CDC5L: variants seen among roughly 807,000 people sequenced by gnomAD.
CDC5L encodes the protein cell division cycle 5-like protein.
CDC5L carries 18 observed loss-of-function variants against 104.1 expected under a neutral mutation model. The observed-to-expected ratio is 0.17, with a 90% CI of 0.12 to 0.26. The LOEUF (loss-of-function observed/expected upper bound fraction) is 0.26, where lower values mean the gene tolerates loss of function less well. Among genes scored for constraint, CDC5L ranks in the 10% least tolerant of loss-of-function variants. The pLI is 1.00. For missense variants in CDC5L, 673 were observed against 956.9 expected, an observed-to-expected ratio of 0.70 and a Z score of 3.91; for synonymous variants, 331 against 322.7, an observed-to-expected ratio of 1.03 and a Z score of -0.28.
intron 5 of CDC5L, among the ~76,000 whole-genome samples, chr6:44,399,285 G>A (rs1187259211): frequency 6.6e-6 from 1 of 152,098 alleles, no homozygotes; most frequent in African/African-American, 2.4e-5. Context: ...CTCGTCTTTG[G>A]CTTTCAACAT....
At chr6:44,422,889 G>C in intron 10 of CDC5L, 80 bp downstream of exon 10, 3 of 874,868 alleles carry the variant, frequency 3.4e-6, no homozygotes, top group Non-Finnish European at 5.4e-6. Flanking sequence ...TCTCCTGTTA[G>C]TGCATATCAC....
chr6:44,393,296 C>T, intron 3 of CDC5L, 150 bp from the exon 4 acceptor site: 1 of 516,476 alleles, frequency 1.9e-6, no homozygotes, highest in Admixed American at 3.8e-5. Flanking sequence ...TCATTTCTTT[C>T]AGATGAAGTG....
chr6:44,426,027 C>A (rs1207159761), intron 11 of CDC5L, 76 bp from the exon 12 acceptor site: 3 of 960,342 alleles, frequency 3.1e-6, no homozygotes, highest in Non-Finnish European at 4.7e-6. Flanking sequence ...TCTTACATAC[C>A]AAAGTGTTTT....
At chr6:44,417,974 T>G (rs1791979260) in intron 8 of CDC5L, among the ~76,000 whole-genome samples, 1 of 152,220 alleles carries the variant, frequency 6.6e-6, no homozygotes, top group Non-Finnish European at 1.5e-5. Flanking sequence ...AAACTTTATT[T>G]GATGTATAAA....
intron 7 of CDC5L, among the ~76,000 whole-genome samples, chr6:44,407,330 C>CTT (rs869258034): frequency 1.3e-4 from 19 of 141,902 alleles, no homozygotes; most frequent in African/African-American, 2.8e-4. Flanking sequence ...TTAGGGTAAC[C>CTT]TTTTTTTTTT....
chr6:44,397,948 C>T (rs945365662), intron 5 of CDC5L, among the ~76,000 whole-genome samples: 3 of 152,182 alleles, frequency 2.0e-5, no homozygotes, highest in African/African-American at 7.2e-5. Flanking sequence ...TTATTAGCTT[C>T]TGGGATTCAG....
At position 44,419,496 on chromosome 6, in the gene CDC5L, A is replaced by G. The variant is rs144752067; in HGVS notation, c.1140A>G (p.Lys380=). The G allele has an allele frequency of 5.3e-5, 85 of 1,614,050 alleles. No individual in the cohort carries two copies. The African/African-American group carries it at 1.0e-3, about 19-fold the overall frequency. Residue 380 remains lysine, a synonymous_variant, in exon 9 of 16, where the codon AAA becomes AAG. Transcript: ENST00000371477. Reference sequence around the variant, plus strand: ...TCACCAATGTGGACACCCCATTGAAAGGTGGACTTAATACCCCATTGCATG... The same window carrying G: ...TCACCAATGTGGACACCCCATTGAAGGGTGGACTTAATACCCCATTGCATG... The part of the protein sequence containing the change: ...MALTNVDTPL[K]GGLNTPLHES...
Position 44,393,188 on chromosome 6 carries a change from T to A in CDC5L, c.312-258T>A, listed in dbSNP as rs1464188682. ...AGTTTTTTTTTTTTTTTTTTTTTTTTTAAATTTGTATGGCTGTACCGCATT... is the reference window on the plus strand; with the variant it reads ...AGTTTTTTTTTTTTTTTTTTTTTTTATAAATTTGTATGGCTGTACCGCATT... On this transcript the variant is annotated intron_variant, in intron 3 of 15. Transcript: ENST00000371477. 3.7e-4 allele frequency among the ~76,000 whole-genome samples: 55 copies of A among 150,502 alleles called. No individual in the cohort carries two copies. Among genetic ancestry groups the A allele is most frequent in the African/African-American group, 1.3e-3 (55 of 41,084 alleles).
Position 44,446,805 on chromosome 6 carries a change from C to T in CDC5L, c.*94C>T, listed in dbSNP as rs1793473794. 3.2e-6 allele frequency: 2 copies of T among 634,664 alleles called. No homozygotes were observed. The highest frequency in any genetic ancestry group is 5.5e-5 in the East Asian group (2 of 36,184). 39.3% of individuals were successfully genotyped at this position (634,664 alleles called of 1,614,324 possible). ...ATGTTTATCTTCATTGACAAATTTA[C>T]CCACCATCTGTGGTTTTTCAGTTGT... On this transcript the variant is annotated 3_prime_UTR_variant, in exon 16 of 16. Coordinates refer to ENST00000371477, the MANE Select transcript of CDC5L (RefSeq NM_001253.4).
intron 4 of CDC5L, among the ~76,000 whole-genome samples, chr6:44,393,841 T>A: frequency 6.6e-6 from 1 of 152,044 alleles, no homozygotes; most frequent in Non-Finnish European, 1.5e-5. Context: ...ATTTTTAAAT[T>A]TTTTTGTAGA....
At chr6:44,407,593 A>T (rs1162920227) in intron 7 of CDC5L, among the ~76,000 whole-genome samples, 1 of 152,116 alleles carries the variant, frequency 6.6e-6, no homozygotes, top group Non-Finnish European at 1.5e-5. Flanking sequence ...CGGCCTCCCA[A>T]AGTGCTGGGA....
At chr6:44,405,287 T>G (rs1212187811) in intron 6 of CDC5L, among the ~76,000 whole-genome samples, 2 of 152,240 alleles carry the variant, frequency 1.3e-5, no homozygotes, top group African/African-American at 4.8e-5. Context: ...CTATCAGCCA[T>G]TGTAAAATAG....
rs1792432828 is a variant in CDC5L, at chr6:44,426,572, A to T, written c.1741A>T (p.Thr581Ser). The change falls in exon 13 of 16, where the codon ACA (threonine) becomes TCA (serine). Residue 581 changes from threonine (T) to serine (S), a missense_variant. Physicochemically the swap from Thr to Ser is moderately conservative, Grantham distance 58. Transcript: ENST00000371477. ...SEELIKKEMI[T>S]MLHYDLLHHP... is the part of the protein sequence containing the mutation. The stretch of plus-strand genomic sequence containing the variant: ...AGAACTAATCAAAAAAGAAATGATC[A>T]CAATGCTTCATTATGACCTTCTACA... 1 of 1,612,974 alleles carries T rather than the reference A, an allele frequency of 6.2e-7. No homozygotes were observed. Among genetic ancestry groups the T allele is most frequent in the African/African-American group, 1.3e-5 (1 of 74,910 alleles).
At chr6:44,423,375 G>C (rs1282732645) in intron 10 of CDC5L, among the ~76,000 whole-genome samples, 1 of 152,154 alleles carries the variant, frequency 6.6e-6, no homozygotes, top group Non-Finnish European at 1.5e-5. Flanking sequence ...CATTTGAGGG[G>C]ATCTAAAGTT....
chr6:44,428,983 G>A (rs1438492414), intron 13 of CDC5L, among the ~76,000 whole-genome samples: 1 of 150,550 alleles, frequency 6.6e-6, no homozygotes, highest in Non-Finnish European at 1.5e-5. Flanking sequence ...CTTAACAAGT[G>A]GTTGAATCTC....
In CDC5L at chr6:44,387,762, A is replaced by G. The variant is rs1250059110; in HGVS notation, c.-62A>G. The G allele has an allele frequency of 2.8e-6, 4 of 1,449,284 alleles. No homozygotes were observed. The highest frequency in any genetic ancestry group is 1.4e-5 in the African/African-American group (1 of 70,872). The allele number at this position is 1,449,284 out of a possible 1,614,324, so 89.8% of individuals were successfully genotyped here. ...TGGCGGCTTTGAGTCCGGTGGCCCA[A>G]TCGCTGTTACTACTTCTCTGAAGCT... On this transcript the variant is annotated 5_prime_UTR_variant, in exon 1 of 16. Transcript: ENST00000371477.
At position 44,403,952 on chromosome 6, in the gene CDC5L, C is replaced by G; in HGVS notation, c.683C>G (p.Ser228Cys). The G allele has an allele frequency of 6.2e-7, 1 of 1,613,762 alleles. No individual in the cohort carries two copies. The highest frequency in any genetic ancestry group is 8.5e-7 in the Non-Finnish European group (1 of 1,179,908). ...KKPALGFYDT[S>C]EENYQALDAD... ...CCTGCCCTTGGTTTTTATGATACTT[C>G]TGAGGAAAACTACCAAGCTCTTGAC... Residue 228 changes from serine (S) to cysteine (C), a missense_variant, in exon 6 of 16, where the codon TCT becomes TGT. By Grantham distance (112) the Ser-to-Cys change is moderately radical. Transcript: ENST00000371477.
At chr6:44,435,834 T>G in intron 14 of CDC5L, 1 of 151,552 alleles carries the variant, frequency 6.6e-6, no homozygotes, top group Non-Finnish European at 1.5e-5. Flanking sequence ...CCAGGCTGAG[T>G]GCAATGGCAC....
intron 4 of CDC5L, among the ~76,000 whole-genome samples, chr6:44,395,717 C>T (rs529692868): frequency 1.1e-4 from 16 of 152,166 alleles, no homozygotes; most frequent in East Asian, 9.6e-4. Flanking sequence ...GTGGGAGGCA[C>T]GGGAAGAGCA....
Sources: allele counts gnomAD v4.1 joint callset (sites outside exome capture counted in the v4.1 genomes callset), GRCh38; gene constraint gnomAD v4.1.1; transcripts MANE v1.5; gene names NCBI Gene and HGNC (gene_info 2026-07-23, HGNC 2026-07-21).